SUPT3H: variants seen among roughly 807,000 people sequenced by gnomAD.
SUPT3H encodes transcription initiation protein SPT3 homolog.
SUPT3H carries 44 observed loss-of-function variants against 44.3 expected under a neutral mutation model. That is an observed-to-expected ratio of 0.99 (90% CI 0.78 to 1.28). The LOEUF is 1.28. SUPT3H is among the 50% of genes most tolerant of loss of function. The probability of loss-of-function intolerance (pLI) is 0.00; values close to 1 mark genes in which losing one functional copy is unlikely to be tolerated. For synonymous variants in SUPT3H, 124 were observed against 125.6 expected (o/e 0.99, Z 0.09); for missense variants, 380 against 387.1 (o/e 0.98, Z 0.15).
At chr6:45,376,835 C>G (rs543313812) in intron 1 of SUPT3H, among the ~76,000 whole-genome samples, 61 of 151,862 alleles carry the variant, frequency 4.0e-4, no homozygotes, top group African/African-American at 1.4e-3. Flanking sequence ...ACCCCAGGTC[C>G]TCTCCTTCCA....
At chr6:45,028,541 T>C (rs1167950180) in intron 3 of SUPT3H, among the ~76,000 whole-genome samples, 2 of 152,088 alleles carry the variant, frequency 1.3e-5, no homozygotes, top group Non-Finnish European at 2.9e-5. Flanking sequence ...TATTTTGTTA[T>C]TTAGTGGAGT....
chr6:44,968,004 G>T (rs1777009608), intron 6 of SUPT3H, among the ~76,000 whole-genome samples: 1 of 151,994 alleles, frequency 6.6e-6, no homozygotes, highest in Admixed American at 6.6e-5. Flanking sequence ...AATTGCCCAG[G>T]CTGGTCTTGA....
chr6:44,992,647 C>A (rs568575380), intron 6 of SUPT3H, among the ~76,000 whole-genome samples: 42 of 152,094 alleles, frequency 2.8e-4, no homozygotes, highest in Middle Eastern at 3.4e-3. Flanking sequence ...GTATTTTGCT[C>A]CCCTGCAGAC....
chr6:45,318,537 G>A (rs1032813084), intron 2 of SUPT3H, among the ~76,000 whole-genome samples: 1 of 152,098 alleles, frequency 6.6e-6, no homozygotes, highest in Admixed American at 6.5e-5. Flanking sequence ...GAGCTTATGG[G>A]AATTCTCTGT....
intron 3 of SUPT3H, among the ~76,000 whole-genome samples, chr6:45,063,185 C>CCCCCAGTTAGTG: frequency 6.9e-6 from 1 of 144,792 alleles, no homozygotes; most frequent in South Asian, 2.4e-4. Context: ...TGGGAGGCAC[C>CCCCCAGTTAGTG]CCCCAGCAGG....
chr6:45,307,869 A>T lies in SUPT3H; in HGVS notation c.101+57332T>A, dbSNP rs192729549. 1.8e-3 allele frequency among the ~76,000 whole-genome samples: 267 copies of T among 152,284 alleles called. 3 individuals carry two copies. Among genetic ancestry groups the T allele is most frequent in the African/African-American group, 6.3e-3 (261 of 41,552 alleles). On this transcript the variant is annotated intron_variant, in intron 2 of 10. Transcript: ENST00000371459. ...CCATGGCAAACCTTGAAATAAGATT[A>T]GACAAATGGCTAACTAGAACAACCA... is the stretch of plus-strand genomic sequence containing the variant.
intron 6 of SUPT3H, among the ~76,000 whole-genome samples, chr6:44,981,261 T>C (rs961072203): frequency 6.6e-6 from 1 of 152,148 alleles, no homozygotes; most frequent in East Asian, 1.9e-4. Context: ...TATAAATAAA[T>C]GAAGGATGGA....
intron 2 of SUPT3H, among the ~76,000 whole-genome samples, chr6:45,176,347 G>A (rs949217164): frequency 2.0e-5 from 3 of 151,912 alleles, no homozygotes; most frequent in East Asian, 1.9e-4. Context: ...ACTCCCACCC[G>A]AATATTGCGC....
chr6:45,183,142 G>C (rs373916551), intron 2 of SUPT3H, among the ~76,000 whole-genome samples: 14 of 152,226 alleles, frequency 9.2e-5, no homozygotes, highest in Non-Finnish European at 1.9e-4. Flanking sequence ...GCCACAAAAA[G>C]AATGAAGTAG....
chr6:45,179,210 C>A (rs1243798920), intron 2 of SUPT3H, among the ~76,000 whole-genome samples: 3 of 152,186 alleles, frequency 2.0e-5, no homozygotes, highest in Non-Finnish European at 2.9e-5. Context: ...AGACCAATAA[C>A]AGGAGCTGAA....
intron 11 of SUPT3H, among the ~76,000 whole-genome samples, chr6:44,810,023 G>C (rs527870107): frequency 6.6e-6 from 1 of 152,346 alleles, no homozygotes; most frequent in East Asian, 1.9e-4. Flanking sequence ...TGTTGGTGTA[G>C]TTTTTTCCAG....
intron 3 of SUPT3H, among the ~76,000 whole-genome samples, chr6:45,040,163 T>C (rs1788310737): frequency 6.6e-6 from 1 of 152,180 alleles, no homozygotes; most frequent in Non-Finnish European, 1.5e-5. Context: ...GGTTGTGGCA[T>C]GAAATCAACC....
chr6:44,817,704 A>C (rs1413874123), intron 11 of SUPT3H, among the ~76,000 whole-genome samples: 1 of 152,198 alleles, frequency 6.6e-6, no homozygotes, highest in Non-Finnish European at 1.5e-5. Context: ...ATAATGAATA[A>C]TTGGAAAATG....
intron 10 of SUPT3H, among the ~76,000 whole-genome samples, chr6:44,932,014 T>C (rs1426116893): frequency 1.3e-5 from 2 of 152,182 alleles, no homozygotes; most frequent in Non-Finnish European, 2.9e-5. Flanking sequence ...GAGTAGGACT[T>C]GAAGAAATTT....
At chr6:45,210,104 T>TA (rs1269434713) in intron 2 of SUPT3H, among the ~76,000 whole-genome samples, 5 of 152,274 alleles carry the variant, frequency 3.3e-5, no homozygotes, top group African/African-American at 1.2e-4. Flanking sequence ...TGCTTTTTTT[T>TA]AAAGACATAA....
chr6:45,043,258 T>C (rs1788871807), intron 3 of SUPT3H, among the ~76,000 whole-genome samples: 1 of 152,106 alleles, frequency 6.6e-6, no homozygotes, highest in South Asian at 2.1e-4. Flanking sequence ...TTTTGTTTTG[T>C]TCTCCATGAA....
intron 2 of SUPT3H, among the ~76,000 whole-genome samples, chr6:45,260,584 G>A (rs1041875383): frequency 6.6e-6 from 1 of 151,878 alleles, no homozygotes; most frequent in African/African-American, 2.4e-5. Flanking sequence ...TCATAACATA[G>A]ATTATCTTTT....
At chr6:45,244,549 C>T (rs1330699142) in intron 2 of SUPT3H, among the ~76,000 whole-genome samples, 1 of 152,184 alleles carries the variant, frequency 6.6e-6, no homozygotes, top group Non-Finnish European at 1.5e-5. Flanking sequence ...TTCCTGAAAA[C>T]TGGTGCTGTC....
At chr6:45,168,468 C>T (rs543746547) in intron 2 of SUPT3H, among the ~76,000 whole-genome samples, 3 of 152,108 alleles carry the variant, frequency 2.0e-5, no homozygotes, top group South Asian at 4.2e-4. Flanking sequence ...AGCTGTATCC[C>T]GACCACCTTG....
Sources: allele counts gnomAD v4.1 joint callset (sites outside exome capture counted in the v4.1 genomes callset), GRCh38; gene constraint gnomAD v4.1.1; transcripts MANE v1.5; gene names NCBI Gene and HGNC (gene_info 2026-07-23, HGNC 2026-07-21).